Variants in NRXN1 observed in about 807,000 individuals in gnomAD.
The protein encoded by NRXN1 is neurexin 1, also known as neurexin-1.
Under a neutral mutation model 150.9 loss-of-function variants are expected in NRXN1, and 39 were observed. That is an observed-to-expected ratio of 0.26 (90% CI 0.20 to 0.34). The LOEUF is 0.34. NRXN1 is among the 10% of genes least tolerant of loss of function. The pLI is 1.00. For missense variants in NRXN1, 1,815 were observed against 1,949.9 expected (o/e 0.93, Z 1.30); for synonymous variants, 924 against 757.0 (o/e 1.22, Z -3.62).
chr2:50,106,759 G>T (rs77738981), intron 18 of NRXN1, among the ~76,000 whole-genome samples: 7,549 of 151,816 alleles, frequency 0.05, 254 homozygotes, highest in Non-Finnish European at 0.078. Context: ...AACCCTAAAA[G>T]AAATTATGAA....
chr2:50,329,012 A>G (rs758369142), intron 17 of NRXN1, among the ~76,000 whole-genome samples: 4 of 152,342 alleles, frequency 2.6e-5, no homozygotes, highest in East Asian at 1.9e-4. Flanking sequence ...TCCAAGGGGT[A>G]GAAGATAAGA....
intron 18 of NRXN1, among the ~76,000 whole-genome samples, chr2:50,187,225 A>C (rs2061136563): frequency 6.6e-6 from 1 of 152,084 alleles, no homozygotes; most frequent in South Asian, 2.1e-4. Flanking sequence ...ATCCTGAGAA[A>C]CAGGAACTGT....
intron 5 of NRXN1, among the ~76,000 whole-genome samples, chr2:50,690,865 T>C (rs1208243511): frequency 6.6e-6 from 1 of 152,208 alleles, no homozygotes; most frequent in Non-Finnish European, 1.5e-5. Context: ...CCCGGTTCTT[T>C]TCCTTTAACC....
At chr2:50,949,501 C>T (rs1403502871) in intron 2 of NRXN1, among the ~76,000 whole-genome samples, 1 of 151,778 alleles carries the variant, frequency 6.6e-6, no homozygotes, top group Non-Finnish European at 1.5e-5. Flanking sequence ...ACAGAGAAGG[C>T]CACAATTCTG....
chr2:50,972,814 G>A (rs1055484308), intron 2 of NRXN1, among the ~76,000 whole-genome samples: 1 of 152,276 alleles, frequency 6.6e-6, no homozygotes, highest in African/African-American at 2.4e-5. Flanking sequence ...AGTAATGTGA[G>A]CAATGGGGAG....
chr2:50,267,628 A>G (rs927456645), intron 17 of NRXN1, among the ~76,000 whole-genome samples: 2 of 152,156 alleles, frequency 1.3e-5, no homozygotes, highest in African/African-American at 4.8e-5. Flanking sequence ...CATTCGATTT[A>G]TAACAACTAA....
chr2:50,885,805 G>A (rs1051718426), intron 5 of NRXN1, among the ~76,000 whole-genome samples: 3 of 129,120 alleles, frequency 2.3e-5, no homozygotes, highest in Admixed American at 7.9e-5. Context: ...TGTCTAAATC[G>A]TAAATATTTC....
chr2:49,997,045 A>G (rs1250859108), intron 21 of NRXN1, among the ~76,000 whole-genome samples: 1 of 152,208 alleles, frequency 6.6e-6, no homozygotes, highest in Non-Finnish European at 1.5e-5. Context: ...AAAGAAGGTG[A>G]AAGTACTACT....
chr2:50,816,993 T>C (rs1344017168), intron 5 of NRXN1, among the ~76,000 whole-genome samples: 2 of 152,042 alleles, frequency 1.3e-5, no homozygotes, highest in Non-Finnish European at 2.9e-5. Flanking sequence ...GCTATATAAA[T>C]TACACAGGGC....
At chr2:50,096,410 C>T (rs1362613779) in intron 18 of NRXN1, among the ~76,000 whole-genome samples, 2 of 152,136 alleles carry the variant, frequency 1.3e-5, no homozygotes, top group South Asian at 2.1e-4. Context: ...AGCAATAAAA[C>T]GTGCTAAACT....
Position 50,695,376 on chromosome 2 carries a change from G to C in NRXN1, c.833-71761C>G, listed in dbSNP as rs1026219919. ...TCAAGGATATAAGCTATCAAGTTCA[G>C]ATAAGGTGCATCATATAACATAAAG... On this transcript the variant is annotated intron_variant, in intron 5 of 22. Transcript: ENST00000401669. 8.5e-5 allele frequency among the ~76,000 whole-genome samples: 13 copies of C among 152,284 alleles called. 1 individual carries two copies. Among genetic ancestry groups the C allele is most frequent in the Admixed American group, 7.9e-4 (12 of 15,278 alleles).
intron 12 of NRXN1, among the ~76,000 whole-genome samples, chr2:50,521,432 TA>T (rs1174617219): frequency 1.3e-5 from 2 of 152,216 alleles, no homozygotes; most frequent in Non-Finnish European, 2.9e-5. Flanking sequence ...TTAAGTACAT[TA>T]AAAATAAAGT....
intron 5 of NRXN1, among the ~76,000 whole-genome samples, chr2:50,655,793 T>A (rs1448801997): frequency 6.6e-6 from 1 of 151,936 alleles, no homozygotes; most frequent in Non-Finnish European, 1.5e-5. Context: ...TTTGTAATCG[T>A]GTACATTGAC....
At chr2:50,576,241 T>C (rs928644056) in intron 8 of NRXN1, among the ~76,000 whole-genome samples, 2 of 152,164 alleles carry the variant, frequency 1.3e-5, no homozygotes, top group Admixed American at 6.5e-5. Flanking sequence ...ATATGGCTTA[T>C]ACAATTAGTG....
chr2:50,550,841 C>G (rs1265821717), intron 9 of NRXN1, among the ~76,000 whole-genome samples: 4 of 151,666 alleles, frequency 2.6e-5, no homozygotes, highest in Admixed American at 2.6e-4. Context: ...CCACCACGCC[C>G]GACTAATTTT....
At chr2:50,605,780 C>G (rs1433357592) in intron 8 of NRXN1, among the ~76,000 whole-genome samples, 1 of 149,574 alleles carries the variant, frequency 6.7e-6, no homozygotes, top group Non-Finnish European at 1.5e-5. Context: ...ATGCAGCAAT[C>G]CCACTTCTGA....
chr2:50,506,457 G>A (rs200210892), intron 13 of NRXN1, 38 bp downstream of exon 13: 87 of 1,580,876 alleles, frequency 5.5e-5, no homozygotes, highest in South Asian at 2.2e-4. Context: ...AGTCAAAAGC[G>A]TTAGCATAGG....
intron 18 of NRXN1, among the ~76,000 whole-genome samples, chr2:50,157,650 G>T (rs2059106286): frequency 6.6e-6 from 1 of 151,990 alleles, no homozygotes; most frequent in Non-Finnish European, 1.5e-5. Context: ...CAGGGGAAAG[G>T]CTAGTAAGAT....
rs918871104 is a variant in NRXN1, at chr2:50,318,608, A to C, written c.3365-81638T>G. Among the ~76,000 whole-genome samples the C allele has an allele frequency of 2.6e-5, 4 of 152,118 alleles. No individual in the cohort carries two copies. The South Asian group carries it at 8.3e-4, about 31-fold the overall frequency. ...CAGTAGAATGATACACAGTGGTAAGAATGATTAAATTAAATGCTATAATAA... is the reference window on the plus strand; with the variant it reads ...CAGTAGAATGATACACAGTGGTAAGCATGATTAAATTAAATGCTATAATAA... On this transcript the variant is annotated intron_variant, in intron 17 of 22. Transcript: ENST00000401669.
Sources: allele counts gnomAD v4.1 joint callset (sites outside exome capture counted in the v4.1 genomes callset), GRCh38; gene constraint gnomAD v4.1.1; transcripts MANE v1.5; gene names NCBI Gene and HGNC (gene_info 2026-07-23, HGNC 2026-07-21).